SLC39A14: variants seen among roughly 807,000 people sequenced by gnomAD.
SLC39A14 encodes metal cation symporter ZIP14.
SLC39A14 carries 19 observed loss-of-function variants against 45.5 expected under a neutral mutation model. The ratio of observed to expected loss-of-function variants is 0.42; its 90% CI spans 0.29 to 0.61. The LOEUF is 0.61. Ranked by LOEUF, SLC39A14 falls within the 20% of genes least tolerant of loss-of-function variation. The pLI, the probability that SLC39A14 is intolerant of heterozygous loss-of-function variation, is 0.22. For synonymous variants in SLC39A14, 264 were observed against 251.3 expected, an observed-to-expected ratio of 1.05 and a Z score of -0.48; for missense variants, 447 against 616.5, an observed-to-expected ratio of 0.73 and a Z score of 2.91.
intron 8 of SLC39A14, among the ~76,000 whole-genome samples, chr8:22,430,212 CACCT>C (rs67705598): frequency 0.31 from 47,032 of 151,766 alleles, 7,494 homozygotes; most frequent in East Asian, 0.5. Context: ...GAGATCCTCC[CACCT>C]ACCTCAACCA....
chr8:22,378,252 A>C (rs1407052944), intron 1 of SLC39A14, among the ~76,000 whole-genome samples: 1 of 152,194 alleles, frequency 6.6e-6, no homozygotes, highest in African/African-American at 2.4e-5. Context: ...AGAGCAGGCA[A>C]GTGTGTTAGT....
At position 22,422,326 on chromosome 8, in the gene SLC39A14, A is replaced by G; in HGVS notation, c.*2628A>G. 3.0e-6 allele frequency: 3 copies of G among 985,756 alleles called. No individual in the cohort carries two copies. Among genetic ancestry groups the G allele is most frequent in the East Asian group, 1.1e-4 (1 of 8,816 alleles). The allele number at this position is 985,756 out of a possible 1,614,324, so 61.1% of individuals were successfully genotyped here. A position where few individuals can be genotyped will look rare whatever the true frequency, so the allele number is the denominator to read the frequency against. On this transcript the variant is annotated 3_prime_UTR_variant, in exon 9 of 9. Transcript: ENST00000381237. ...ACAGCTTGCCCCTGTCTTTGCCCCC[A>G]AAGGTATTTTGTGTCTAGTGTCAAA...
chr8:22,426,682 T>C (rs1367061724), downstream of SLC39A14, among the ~76,000 whole-genome samples: 2 of 152,020 alleles, frequency 1.3e-5, no homozygotes, highest in African/African-American at 2.4e-5. Context: ...CTAAATGATA[T>C]GCTCTCTCTC....
intron 1 of SLC39A14, chr8:22,393,224 C>A: frequency 1.0e-6 from 1 of 985,738 alleles, no homozygotes; most frequent in Non-Finnish European, 1.2e-6. Context: ...GATAATGCAT[C>A]CTTTCAGGGT....
intron 1 of SLC39A14, among the ~76,000 whole-genome samples, chr8:22,383,552 G>A (rs931983271): frequency 6.6e-6 from 1 of 152,154 alleles, no homozygotes; most frequent in South Asian, 2.1e-4. Context: ...GAAGCAGAGG[G>A]CCCCGGCCAG....
At chr8:22,383,173 A>C (rs1329461425) in intron 1 of SLC39A14, among the ~76,000 whole-genome samples, 1 of 152,162 alleles carries the variant, frequency 6.6e-6, no homozygotes. Flanking sequence ...GTAAGTTCCT[A>C]ATAAATATTT....
intron 8 of SLC39A14, among the ~76,000 whole-genome samples, chr8:22,430,111 C>T (rs570760392): frequency 3.8e-4 from 58 of 152,300 alleles, no homozygotes; most frequent in Non-Finnish European, 6.6e-4. Flanking sequence ...AGGAGTCAGA[C>T]CACTTCGGGA....
chr8:22,412,975 A>G (rs1199898382), intron 4 of SLC39A14, among the ~76,000 whole-genome samples: 5 of 152,170 alleles, frequency 3.3e-5, no homozygotes, highest in Non-Finnish European at 7.3e-5. Flanking sequence ...ATCAGAACCC[A>G]CAGTTCTCAG....
At chr8:22,418,624 G>A (rs945029676) in intron 8 of SLC39A14, among the ~76,000 whole-genome samples, 8 of 151,744 alleles carry the variant, frequency 5.3e-5, no homozygotes, top group Middle Eastern at 3.4e-3. Flanking sequence ...CTTGAACTCC[G>A]GAGCTTAAGT....
intron 8 of SLC39A14, among the ~76,000 whole-genome samples, chr8:22,429,469 C>T (rs2132401754): frequency 6.6e-6 from 1 of 152,258 alleles, no homozygotes. Flanking sequence ...AGTAAATATG[C>T]AAAATGTTTT....
At chr8:22,381,831 GA>G (rs1235349979) in intron 1 of SLC39A14, among the ~76,000 whole-genome samples, 2 of 152,042 alleles carry the variant, frequency 1.3e-5, no homozygotes, top group Non-Finnish European at 2.9e-5. Flanking sequence ...AAAAACAAAT[GA>G]ATATATCAGC....
intron 1 of SLC39A14, among the ~76,000 whole-genome samples, chr8:22,403,275 C>CTATG (rs1834993434): frequency 6.8e-6 from 1 of 147,186 alleles, no homozygotes; most frequent in Non-Finnish European, 1.5e-5. Flanking sequence ...TGCGCCCGGC[C>CTATG]TATTTATTTA....
intron 1 of SLC39A14, among the ~76,000 whole-genome samples, chr8:22,396,587 AG>A (rs1834488949): frequency 4.3e-5 from 4 of 93,996 alleles, no homozygotes; most frequent in African/African-American, 1.2e-4. Flanking sequence ...AGAGAGAGAG[AG>A]AGAGAGAGAG....
At chr8:22,425,527 C>T (rs1414618797), downstream of SLC39A14, among the ~76,000 whole-genome samples, 1 of 132,648 alleles carries the variant, frequency 7.5e-6, no homozygotes, top group Non-Finnish European at 1.5e-5. Flanking sequence ...TGGTGGCTTT[C>T]GGCTGACTTT....
At position 22,394,327 on chromosome 8, in the gene SLC39A14, CTT is replaced by C. The variant is rs139730659; in HGVS notation, c.-15-10355_-15-10354del. 2.6e-3 allele frequency among the ~76,000 whole-genome samples: 345 copies of C among 131,980 alleles called. 1 individual carries two copies. Among genetic ancestry groups the C allele is most frequent in the African/African-American group, 8.1e-3 (288 of 35,574 alleles). The allele number at this position is 131,980 out of a possible 152,430, so 86.6% of individuals were successfully genotyped here. A position where few individuals can be genotyped will look rare whatever the true frequency, so the allele number is the denominator to read the frequency against. ...GCCCTGTAATGATTTTTTATTATGTCTTTTTTTTTTTTTTTGAGTTGGAATCT... is the reference window on the plus strand; with the variant it reads ...GCCCTGTAATGATTTTTTATTATGTCTTTTTTTTTTTTTGAGTTGGAATCT... On this transcript the variant is annotated intron_variant, in intron 1 of 8. Coordinates refer to ENST00000381237, the MANE Select transcript of SLC39A14 (RefSeq NM_001128431.4).
intron 4 of SLC39A14, 88 bp from the exon 5 acceptor site, chr8:22,414,692 A>C (rs1364633992): frequency 7.2e-7 from 1 of 1,383,800 alleles, no homozygotes; most frequent in African/African-American, 1.5e-5. Context: ...CCTTTCCTAG[A>C]GTCAAGGAAG....
At chr8:22,382,207 TATAAA>T (rs1439220809) in intron 1 of SLC39A14, among the ~76,000 whole-genome samples, 1 of 151,876 alleles carries the variant, frequency 6.6e-6, no homozygotes, top group Non-Finnish European at 1.5e-5. Context: ...GGAGTAGAAA[TATAAA>T]AGTAAACCTA....
At chr8:22,378,461 G>T (rs1833327472) in intron 1 of SLC39A14, among the ~76,000 whole-genome samples, 1 of 152,100 alleles carries the variant, frequency 6.6e-6, no homozygotes, top group African/African-American at 2.4e-5. Flanking sequence ...TAGGACTGAG[G>T]TCCCCTGCCC....
intron 1 of SLC39A14, among the ~76,000 whole-genome samples, chr8:22,371,155 C>T (rs1832907074): frequency 6.6e-6 from 1 of 152,114 alleles, no homozygotes; most frequent in South Asian, 2.1e-4. Context: ...ATTGGCCTGC[C>T]CAAGGGAGCC....
Sources: allele counts gnomAD v4.1 joint callset (sites outside exome capture counted in the v4.1 genomes callset), GRCh38; gene constraint gnomAD v4.1.1; transcripts MANE v1.5; gene names NCBI Gene and HGNC (gene_info 2026-07-23, HGNC 2026-07-21).